MAF: variants seen among roughly 807,000 people sequenced by gnomAD.
MAF encodes MAF bZIP transcription factor.
Under a neutral mutation model 22.0 loss-of-function variants are expected in MAF, and 10 were observed. The ratio of observed to expected loss-of-function variants is 0.45; its 90% CI spans 0.28 to 0.77. The LOEUF (loss-of-function observed/expected upper bound fraction) is 0.77. Among genes scored for constraint, MAF ranks in the 30% least tolerant of loss-of-function variants. The pLI, the probability that MAF is intolerant of heterozygous loss-of-function variation, is 0.12. For synonymous variants in MAF, 337 were observed against 255.8 expected (o/e 1.32, Z -3.03); for missense variants, 544 against 548.4 (o/e 0.99, Z 0.08).
chr16:79,487,298 G>T, the MAF span, among the ~76,000 whole-genome samples: 1 of 151,996 alleles, frequency 6.6e-6, no homozygotes, highest in African/African-American at 2.4e-5. Context: ...TCAGAGTAGT[G>T]GTTTTTTAAG....
At chr16:79,304,676 C>T in the MAF span, among the ~76,000 whole-genome samples, 3 of 152,106 alleles carry the variant, frequency 2.0e-5, no homozygotes, top group African/African-American at 7.2e-5. Context: ...GCCAGACAAC[C>T]AGACCCTAAA....
the MAF span, among the ~76,000 whole-genome samples, chr16:79,349,240 G>C: frequency 6.6e-6 from 1 of 152,194 alleles, no homozygotes; most frequent in South Asian, 2.1e-4. Context: ...GTCACCCCGA[G>C]TCTGAATCCC....
At chr16:79,265,247 G>A in the MAF span, among the ~76,000 whole-genome samples, 1 of 152,060 alleles carries the variant, frequency 6.6e-6, no homozygotes, top group Non-Finnish European at 1.5e-5. Context: ...GTAAGATGGT[G>A]GCCAAAAAGT....
At chr16:79,344,977 T>A in the MAF span, among the ~76,000 whole-genome samples, 1 of 152,214 alleles carries the variant, frequency 6.6e-6, no homozygotes, top group Non-Finnish European at 1.5e-5. Flanking sequence ...CAGGCTGTTG[T>A]GTGACCTCAG....
At chr16:79,323,836 T>G in the MAF span, among the ~76,000 whole-genome samples, 5 of 152,192 alleles carry the variant, frequency 3.3e-5, no homozygotes, top group South Asian at 8.3e-4. Flanking sequence ...TAAGTAGAAG[T>G]GATATGACCT....
the MAF span, among the ~76,000 whole-genome samples, chr16:79,275,362 T>C: frequency 1.3e-5 from 2 of 152,156 alleles, no homozygotes; most frequent in African/African-American, 4.8e-5. Flanking sequence ...AAGAGAATAA[T>C]AGTTAACTAT....
the MAF span, among the ~76,000 whole-genome samples, chr16:79,456,499 C>T: frequency 2.0e-5 from 3 of 152,176 alleles, no homozygotes; most frequent in African/African-American, 7.2e-5. Context: ...CCCTTACATT[C>T]AAGAAATGCT....
chr16:79,364,560 C>G, the MAF span, among the ~76,000 whole-genome samples: 1 of 152,198 alleles, frequency 6.6e-6, no homozygotes, highest in East Asian at 1.9e-4. Context: ...GGACACACAT[C>G]AAACATGGTC....
At chr16:79,358,924 G>A in the MAF span, among the ~76,000 whole-genome samples, 9 of 152,142 alleles carry the variant, frequency 5.9e-5, 1 homozygote, top group East Asian at 9.7e-4. Context: ...CTGTGATGAG[G>A]CCCTTCGGTA....
intron 1 of MAF, chr16:79,597,289 T>C: frequency 9.6e-7 from 1 of 1,044,830 alleles, no homozygotes. Context: ...TAACAGATTA[T>C]AAAAACTAGA....
the MAF span, among the ~76,000 whole-genome samples, chr16:79,337,856 T>G: frequency 1.3e-5 from 2 of 152,176 alleles, no homozygotes; most frequent in African/African-American, 2.4e-5. Context: ...AAGTTCCAAG[T>G]AAATGGAATC....
At chr16:79,573,600 C>T in the MAF span, among the ~76,000 whole-genome samples, 15 of 152,274 alleles carry the variant, frequency 9.9e-5, no homozygotes, top group East Asian at 2.1e-3. Flanking sequence ...ATCCTCAGCA[C>T]CATGTTCATT....
chr16:79,583,889 C>T (rs1374654001), downstream of MAF, among the ~76,000 whole-genome samples: 1 of 152,180 alleles, frequency 6.6e-6, no homozygotes, highest in African/African-American at 2.4e-5. Flanking sequence ...CTATGTTAAT[C>T]TTCATGTTAG....
chr16:79,375,333 TA>T, the MAF span, among the ~76,000 whole-genome samples: 1 of 152,168 alleles, frequency 6.6e-6, no homozygotes, highest in African/African-American at 2.4e-5. Flanking sequence ...CCTCTCCTCC[TA>T]AAGTTCCACA....
At chr16:79,422,232 C>A in the MAF span, among the ~76,000 whole-genome samples, 1 of 152,140 alleles carries the variant, frequency 6.6e-6, no homozygotes, top group East Asian at 1.9e-4. Context: ...GTTCTAAGAA[C>A]CTTATTCAGC....
chr16:79,540,977 T>C, the MAF span, among the ~76,000 whole-genome samples: 13 of 151,750 alleles, frequency 8.6e-5, no homozygotes, highest in African/African-American at 3.2e-4. Flanking sequence ...ACTACTACTA[T>C]TTACTACGGT....
chr16:79,279,296 A>C, the MAF span, among the ~76,000 whole-genome samples: 1 of 152,028 alleles, frequency 6.6e-6, no homozygotes, highest in African/African-American at 2.4e-5. Context: ...CTTGAGCTTC[A>C]CTGTCCTCTT....
At chr16:79,373,611 G>C in the MAF span, among the ~76,000 whole-genome samples, 1 of 151,750 alleles carries the variant, frequency 6.6e-6, no homozygotes, top group Admixed American at 6.6e-5. Flanking sequence ...TCAAACTCTT[G>C]ACCTGACCCA....
the MAF span, among the ~76,000 whole-genome samples, chr16:79,326,747 G>C: frequency 6.6e-6 from 1 of 152,212 alleles, no homozygotes; most frequent in Non-Finnish European, 1.5e-5. Context: ...ATTTACAAAA[G>C]TGGATGAAGG....
Sources: gnomAD v4.1 joint callset for allele counts (sites outside exome capture counted in the v4.1 genomes callset) on GRCh38, gnomAD v4.1.1 for gene constraint, MANE v1.5 for transcripts, NCBI Gene and HGNC (gene_info 2026-07-23, HGNC 2026-07-21) for gene names.